Variants in NREP observed in about 807,000 individuals in gnomAD.
The protein encoded by NREP is neuronal regeneration related protein, also known as neuronal regeneration-related protein.
A neutral mutation model predicts 8.6 loss-of-function variants in NREP; 5 were observed. The observed-to-expected ratio is 0.58, with a 90% CI of 0.30 to 1.22. NREP has a LOEUF of 1.22. Among genes scored for constraint, NREP ranks in the 50% most tolerant of loss-of-function variants. NREP has a pLI of 0.07. For synonymous variants in NREP, 27 were observed against 28.0 expected (o/e 0.96, Z 0.11); for missense variants, 86 against 82.5 (o/e 1.04, Z -0.17).
At chr5:111,816,426 A>G (rs1752387085) in intron 2 of NREP, among the ~76,000 whole-genome samples, 1 of 152,182 alleles carries the variant, frequency 6.6e-6, no homozygotes, top group Admixed American at 6.5e-5. Flanking sequence ...TATATAAACA[A>G]AAAGTACATA....
chr5:111,955,002 G>A (rs1207285423), intron 2 of NREP, among the ~76,000 whole-genome samples: 1 of 152,156 alleles, frequency 6.6e-6, no homozygotes, highest in East Asian at 1.9e-4. Context: ...ATTTTCCAAT[G>A]AAGATGCATG....
intron 2 of NREP, among the ~76,000 whole-genome samples, chr5:111,870,753 A>G (rs1452353478): frequency 3.3e-5 from 5 of 152,142 alleles, no homozygotes; most frequent in Non-Finnish European, 7.4e-5. Flanking sequence ...AAAATGCCAC[A>G]TGAAGATGGA....
intron 2 of NREP, among the ~76,000 whole-genome samples, chr5:111,957,074 G>C (rs772274744): frequency 2.6e-5 from 4 of 151,716 alleles, no homozygotes; most frequent in Non-Finnish European, 4.4e-5. Context: ...TATTACAATT[G>C]TCCAGAGAGG....
rs369347881 is a variant in NREP at position 111,845,738 on chromosome 5, T to C, written c.136-110231A>G. ...ATATACTACACACTCAAATTTTTAA[T>C]CTTTCACAAAATTACTAGGAAAACA... is the stretch of plus-strand genomic sequence containing the variant. On this transcript the variant is annotated intron_variant, in intron 2 of 3. Transcript: ENST00000395634. Among the ~76,000 whole-genome samples the C allele has an allele frequency of 2.0e-5, 3 of 152,148 alleles. No homozygotes were observed. In the South Asian group the frequency reaches 6.2e-4, roughly 32 times the overall value.
chr5:111,733,381 CCG>C lies in NREP; in HGVS notation c.81+2047_81+2048del, dbSNP rs1748787523. The C allele has an allele frequency of 1.7e-4, 26 of 152,238 alleles. 1 individual carries two copies. In the South Asian group the frequency reaches 5.2e-3, roughly 30 times the overall value. The allele number at this position is 152,238 out of a possible 1,614,324, so 9.4% of individuals were successfully genotyped here. ...CCTGAGGGCCTGGAGCCCACCATGC[CCG>C]TGGAGAGAGGTGCTCCTGAGGAGAC... On this transcript the variant is annotated intron_variant, in intron 3 of 3. Transcript: ENST00000257435.
At chr5:111,952,228 A>C (rs1360762342) in intron 2 of NREP, among the ~76,000 whole-genome samples, 1 of 152,146 alleles carries the variant, frequency 6.6e-6, no homozygotes, top group Non-Finnish European at 1.5e-5. Flanking sequence ...TGGTCTCCAC[A>C]TTGCATCACC....
At chr5:111,753,765 C>T (rs148638826) in intron 2 of NREP, among the ~76,000 whole-genome samples, 8 of 152,202 alleles carry the variant, frequency 5.3e-5, no homozygotes, top group South Asian at 2.1e-4. Flanking sequence ...TAAGTCTTCA[C>T]TCTAAGTAAG....
intron 2 of NREP, among the ~76,000 whole-genome samples, chr5:111,801,141 G>T (rs1412861378): frequency 6.6e-6 from 1 of 152,222 alleles, no homozygotes; most frequent in Non-Finnish European, 1.5e-5. Context: ...AAAGTATTTA[G>T]TTTTTAAAAG....
intron 2 of NREP, among the ~76,000 whole-genome samples, chr5:111,827,487 A>G (rs1404029924): frequency 6.6e-6 from 1 of 152,216 alleles, no homozygotes; most frequent in Non-Finnish European, 1.5e-5. Flanking sequence ...CTCCAAGGTT[A>G]TGAGGTCATC....
chr5:111,817,052 T>A (rs1395666984), intron 2 of NREP, among the ~76,000 whole-genome samples: 1 of 152,188 alleles, frequency 6.6e-6, no homozygotes, highest in African/African-American at 2.4e-5. Context: ...TAATAATATT[T>A]TAATTATGCT....
chr5:111,966,927 G>A (rs754674944), intron 2 of NREP, among the ~76,000 whole-genome samples: 3 of 152,192 alleles, frequency 2.0e-5, no homozygotes, highest in African/African-American at 4.8e-5. Flanking sequence ...GTTAGGCATG[G>A]AAGAATGGCT....
At chr5:111,846,414 T>C (rs1176887767) in intron 2 of NREP, 4 of 139,646 alleles carry the variant, frequency 2.9e-5, no homozygotes, top group African/African-American at 1.1e-4. Context: ...TTTACCTTTT[T>C]GTTTGCTTTT....
intron 2 of NREP, among the ~76,000 whole-genome samples, chr5:111,822,806 G>A (rs1209897756): frequency 2.0e-5 from 3 of 152,192 alleles, no homozygotes; most frequent in Admixed American, 6.5e-5. Flanking sequence ...TTGTAGTTAT[G>A]TGACACAGAC....
At chr5:111,959,244 A>ATGTACATTT (rs35950636) in intron 2 of NREP, among the ~76,000 whole-genome samples, 1,670 of 152,116 alleles carry the variant, frequency 0.011, 32 homozygotes, top group African/African-American at 0.038. Context: ...GAGTTCACTT[A>ATGTACATTT]TGTACATTTT....
intron 2 of NREP, among the ~76,000 whole-genome samples, chr5:111,930,899 A>T (rs1755518626): frequency 6.6e-6 from 1 of 152,110 alleles, no homozygotes; most frequent in Non-Finnish European, 1.5e-5. Flanking sequence ...ATAATGTCAC[A>T]ATGAAGACAC....
At chr5:111,958,749 C>A (rs1251136049) in intron 2 of NREP, among the ~76,000 whole-genome samples, 3 of 151,816 alleles carry the variant, frequency 2.0e-5, no homozygotes, top group African/African-American at 4.8e-5. Flanking sequence ...CAATTCCAAT[C>A]AAAAATTCCT....
intron 2 of NREP, among the ~76,000 whole-genome samples, chr5:111,932,516 C>T (rs1346813970): frequency 6.6e-6 from 1 of 152,056 alleles, no homozygotes; most frequent in Non-Finnish European, 1.5e-5. Context: ...AAGTAGGACT[C>T]ATATACATTT....
intron 2 of NREP, among the ~76,000 whole-genome samples, chr5:111,931,828 C>A (rs370562065): frequency 6.6e-6 from 1 of 151,972 alleles, no homozygotes; most frequent in Non-Finnish European, 1.5e-5. Flanking sequence ...TGAAAGATTG[C>A]GTAATGCTCT....
intron 2 of NREP, among the ~76,000 whole-genome samples, chr5:111,812,528 G>T (rs1270512183): frequency 1.3e-5 from 2 of 152,150 alleles, no homozygotes; most frequent in East Asian, 3.8e-4. Context: ...ACAAGATTCA[G>T]TTCTACATTA....
Sources: allele counts gnomAD v4.1 joint callset (sites outside exome capture counted in the v4.1 genomes callset), GRCh38; gene constraint gnomAD v4.1.1; transcripts MANE v1.5; gene names NCBI Gene and HGNC (gene_info 2026-07-23, HGNC 2026-07-21).